Variants in TMCC3 observed in about 807,000 individuals in gnomAD.
The protein encoded by TMCC3 is transmembrane and coiled-coil domain family 3, also known as transmembrane and coiled-coil domain protein 3.
In TMCC3, 28 loss-of-function variants were observed where a neutral mutation model predicts 40.2. The observed-to-expected ratio is 0.70, with a 90% CI of 0.52 to 0.95. The LOEUF is 0.95. TMCC3 is among the 40% of genes least tolerant of loss of function. TMCC3 has a pLI of 0.00. For missense variants in TMCC3, 554 were observed against 615.2 expected (o/e 0.90, Z 1.05); for synonymous variants, 255 against 248.5 (o/e 1.03, Z -0.25).
At chr12:94,609,060 T>C (rs946448221) in intron 1 of TMCC3, among the ~76,000 whole-genome samples, 5 of 151,716 alleles carry the variant, frequency 3.3e-5, no homozygotes, top group African/African-American at 1.2e-4. Flanking sequence ...CCCTCCAGTC[T>C]CTACAAAAAA....
At chr12:94,594,908 T>A (rs1300798953) in intron 1 of TMCC3, among the ~76,000 whole-genome samples, 2 of 152,176 alleles carry the variant, frequency 1.3e-5, no homozygotes, top group Non-Finnish European at 2.9e-5. Flanking sequence ...TCTTTCGGCA[T>A]CTCCAGCCTG....
chr12:94,630,464 C>T (rs1370789132), intron 1 of TMCC3, among the ~76,000 whole-genome samples: 1 of 152,108 alleles, frequency 6.6e-6, no homozygotes, highest in Non-Finnish European at 1.5e-5. Context: ...AGGTTCTAGC[C>T]TTTTCACTTA....
chr12:94,630,390 G>A (rs913763705), intron 1 of TMCC3, among the ~76,000 whole-genome samples: 2 of 152,188 alleles, frequency 1.3e-5, no homozygotes, highest in African/African-American at 4.8e-5. Flanking sequence ...CCTTGCAGAT[G>A]TCTGGGTGGT....
intron 1 of TMCC3, among the ~76,000 whole-genome samples, chr12:94,614,968 C>T (rs1361428043): frequency 4.0e-5 from 6 of 151,892 alleles, no homozygotes; most frequent in Non-Finnish European, 7.4e-5. Context: ...CCTCCAAGAC[C>T]CAAATGATCA....
intron 1 of TMCC3, among the ~76,000 whole-genome samples, chr12:94,610,793 G>A (rs1366827857): frequency 6.6e-6 from 1 of 152,168 alleles, no homozygotes; most frequent in Non-Finnish European, 1.5e-5. Flanking sequence ...GTGCTTAAAC[G>A]AGGGGTGGAG....
chr12:94,621,379 C>A (rs748428117), intron 1 of TMCC3, among the ~76,000 whole-genome samples: 1 of 152,204 alleles, frequency 6.6e-6, no homozygotes, highest in East Asian at 1.9e-4. Flanking sequence ...CAGCTTCAGG[C>A]AATCTCAGGG....
chr12:94,603,134 G>A (rs1273124654), intron 1 of TMCC3, among the ~76,000 whole-genome samples: 1 of 152,078 alleles, frequency 6.6e-6, no homozygotes, highest in Non-Finnish European at 1.5e-5. Context: ...ACCCAGGCTG[G>A]AGTGCAGTGG....
chr12:94,588,369 C>T (rs2068650651), intron 1 of TMCC3, among the ~76,000 whole-genome samples: 1 of 152,188 alleles, frequency 6.6e-6, no homozygotes, highest in Admixed American at 6.5e-5. Flanking sequence ...GGCAGGAGTC[C>T]TCTGAGGTTC....
At chr12:94,592,978 C>A (rs1343257760) in intron 1 of TMCC3, among the ~76,000 whole-genome samples, 1 of 152,086 alleles carries the variant, frequency 6.6e-6, no homozygotes, top group Non-Finnish European at 1.5e-5. Flanking sequence ...GGGCAGATCA[C>A]CTGAGCTCAG....
At chr12:94,632,583 T>A (rs188448849) in intron 1 of TMCC3, among the ~76,000 whole-genome samples, 1 of 152,342 alleles carries the variant, frequency 6.6e-6, no homozygotes, top group East Asian at 1.9e-4. Context: ...GAGAAAGCTC[T>A]TTAAGAATGG....
rs200259964 is a variant in TMCC3, at chr12:94,589,784, C to CT, written c.79-7247dup. Reference sequence around the variant, plus strand: ...CATTCATATATTCTTCACACCAACCCTTTTATGAGAAAACCGAGACTTGTA... The same window carrying CT: ...CATTCATATATTCTTCACACCAACCCTTTTTATGAGAAAACCGAGACTTGTA... On this transcript the variant is annotated intron_variant, in intron 1 of 3. Coordinates refer to ENST00000261226, the MANE Select transcript of TMCC3 (RefSeq NM_020698.4). Among the ~76,000 whole-genome samples, 30 of 152,312 alleles carry CT rather than the reference C, an allele frequency of 2.0e-4. No homozygotes were observed. In the East Asian group the frequency reaches 5.4e-3, roughly 27 times the overall value.
intron 1 of TMCC3, among the ~76,000 whole-genome samples, chr12:94,610,669 G>T (rs1006084384): frequency 2.6e-5 from 4 of 152,128 alleles, no homozygotes; most frequent in Non-Finnish European, 5.9e-5. Context: ...GGGAAATGAT[G>T]CAGCCACTAA....
intron 3 of TMCC3, among the ~76,000 whole-genome samples, chr12:94,576,191 T>A (rs773509831): frequency 6.6e-6 from 1 of 152,188 alleles, no homozygotes; most frequent in Non-Finnish European, 1.5e-5. Context: ...TCTTTTGAGA[T>A]GCGGTCTCTG....
intron 1 of TMCC3, among the ~76,000 whole-genome samples, chr12:94,634,295 C>A (rs183992024): frequency 4.3e-4 from 65 of 152,008 alleles, no homozygotes; most frequent in African/African-American, 1.4e-3. Flanking sequence ...CTAATTACCC[C>A]AAACATGCAA....
At chr12:94,617,785 G>C (rs1466386779) in intron 1 of TMCC3, among the ~76,000 whole-genome samples, 4 of 152,182 alleles carry the variant, frequency 2.6e-5, no homozygotes, top group Non-Finnish European at 1.5e-5. Context: ...GGGTGGGATG[G>C]AGAGAAAAGG....
At chr12:94,574,099 C>T (rs2068549042) in intron 3 of TMCC3, among the ~76,000 whole-genome samples, 1 of 152,174 alleles carries the variant, frequency 6.6e-6, no homozygotes, top group African/African-American at 2.4e-5. Context: ...GAATGTGAGG[C>T]TTGATGGGTA....
chr12:94,574,401 A>G (rs964282139), intron 3 of TMCC3, among the ~76,000 whole-genome samples: 1 of 151,726 alleles, frequency 6.6e-6, no homozygotes, highest in Non-Finnish European at 1.5e-5. Context: ...ACAAAAAAAA[A>G]AAACAGAATG....
intron 1 of TMCC3, among the ~76,000 whole-genome samples, chr12:94,646,431 C>CTTTTTTTTTTTTTTTT (rs34398994): frequency 1.1e-5 from 1 of 90,730 alleles, no homozygotes; most frequent in Non-Finnish European, 2.0e-5. Flanking sequence ...AAGCACACAC[C>CTTTTTTTTTTTTTTTT]TTTTTTTTTT....
rs139401888 is a variant in TMCC3 at position 94,569,684 on chromosome 12, A to G, written c.*1751T>C. The G allele has an allele frequency of 1.6e-3, 247 of 152,266 alleles. 1 individual carries two copies. The highest frequency in any genetic ancestry group is 5.6e-3 in the African/African-American group (234 of 41,562). 9.4% of individuals were successfully genotyped at this position (152,266 alleles called of 1,614,324 possible). A position where few individuals can be genotyped will look rare whatever the true frequency, so the allele number is the denominator to read the frequency against. ...AGCTTGAGCTGCCTAAGTCCCGCTC[A>G]CACACACTGGACTTGTACTAAATGC... On this transcript the variant is annotated 3_prime_UTR_variant, in exon 4 of 4. Coordinates refer to ENST00000261226, the MANE Select transcript of TMCC3 (RefSeq NM_020698.4).
Sources: gnomAD v4.1 joint callset for allele counts (sites outside exome capture counted in the v4.1 genomes callset) on GRCh38, gnomAD v4.1.1 for gene constraint, MANE v1.5 for transcripts, NCBI Gene and HGNC (gene_info 2026-07-23, HGNC 2026-07-21) for gene names.